Variants in ADAMTS9 observed in about 807,000 individuals in gnomAD.
The protein encoded by ADAMTS9 is ADAM metallopeptidase with thrombospondin type 1 motif 9.
ADAMTS9 carries 107 observed loss-of-function variants against 257.1 expected under a neutral mutation model. That is an observed-to-expected ratio of 0.42 (90% confidence interval 0.36 to 0.49). The LOEUF is 0.49. Ranked by LOEUF, ADAMTS9 falls within the 20% of genes least tolerant of loss-of-function variation. ADAMTS9 has a pLI of 0.03. For synonymous variants in ADAMTS9, 982 were observed against 880.9 expected, an observed-to-expected ratio of 1.11 and a Z score of -2.03; for missense variants, 2,353 against 2,469.1, an observed-to-expected ratio of 0.95 and a Z score of 1.00.
At chr3:64,528,084 T>C (rs1402633729) in intron 38 of ADAMTS9, among the ~76,000 whole-genome samples, 1 of 152,316 alleles carries the variant, frequency 6.6e-6, no homozygotes, top group East Asian at 1.9e-4. Context: ...ACCATATCTC[T>C]TAGAACAGTG....
chr3:64,598,274 A>T (rs73832339), intron 26 of ADAMTS9, among the ~76,000 whole-genome samples: 4,619 of 151,440 alleles, frequency 0.031, 223 homozygotes, highest in African/African-American at 0.1. Flanking sequence ...TCTATCTTTG[A>T]TGATTCTGGT....
At chr3:64,553,420 G>A (rs1174545303) in intron 30 of ADAMTS9, among the ~76,000 whole-genome samples, 1 of 152,152 alleles carries the variant, frequency 6.6e-6, no homozygotes, top group East Asian at 1.9e-4. Flanking sequence ...CTGTTGTACG[G>A]ATATACCACA....
chr3:64,639,888 A>G (rs577410582), intron 12 of ADAMTS9, among the ~76,000 whole-genome samples: 1 of 152,294 alleles, frequency 6.6e-6, no homozygotes, highest in Admixed American at 6.5e-5. Context: ...ATTTCATATA[A>G]TATGTATTTA....
intron 28 of ADAMTS9, among the ~76,000 whole-genome samples, chr3:64,581,834 A>G (rs1370458158): frequency 6.6e-6 from 1 of 152,186 alleles, no homozygotes; most frequent in Admixed American, 6.5e-5. Context: ...TAAAGTTTGA[A>G]CATTGCAGGG....
intron 19 of ADAMTS9, among the ~76,000 whole-genome samples, chr3:64,620,719 G>A (rs1461687588): frequency 3.9e-5 from 6 of 152,078 alleles, no homozygotes; most frequent in Admixed American, 3.9e-4. Flanking sequence ...CTACTGGGTG[G>A]TATACACTCT....
intron 4 of ADAMTS9, among the ~76,000 whole-genome samples, chr3:64,658,054 C>T (rs1285169388): frequency 6.6e-6 from 1 of 152,070 alleles, no homozygotes; most frequent in Non-Finnish European, 1.5e-5. Context: ...ACTGAATATC[C>T]ACAACTGGCT....
chr3:64,634,535 G>A (rs1214903962), intron 12 of ADAMTS9, among the ~76,000 whole-genome samples: 1 of 152,216 alleles, frequency 6.6e-6, no homozygotes, highest in Admixed American at 6.5e-5. Flanking sequence ...CGAGTGTATG[G>A]CATACGCCTT....
At chr3:64,627,094 A>G (rs888259404) in intron 16 of ADAMTS9, among the ~76,000 whole-genome samples, 1 of 152,220 alleles carries the variant, frequency 6.6e-6, no homozygotes, top group Non-Finnish European at 1.5e-5. Flanking sequence ...TGTCTTGATA[A>G]AAAGGAGGAA....
intron 39 of ADAMTS9, among the ~76,000 whole-genome samples, chr3:64,518,501 C>T (rs563105221): frequency 6.6e-6 from 1 of 152,246 alleles, no homozygotes; most frequent in East Asian, 1.9e-4. Context: ...CACCTTCTGG[C>T]ATAATGTACT....
chr3:64,678,215 C>A (rs977881926), intron 3 of ADAMTS9, among the ~76,000 whole-genome samples: 4 of 152,172 alleles, frequency 2.6e-5, no homozygotes, highest in Admixed American at 6.5e-5. Flanking sequence ...TAACATCCTG[C>A]AACTTCAGTT....
At chr3:64,605,306 C>G (rs988626776) in intron 23 of ADAMTS9, among the ~76,000 whole-genome samples, 3 of 152,156 alleles carry the variant, frequency 2.0e-5, no homozygotes, top group African/African-American at 7.2e-5. Flanking sequence ...GCAGCCAAGT[C>G]CTCAGTTCAT....
chr3:64,547,512 A>ATTT (rs58728148), intron 31 of ADAMTS9, among the ~76,000 whole-genome samples: 78,864 of 121,948 alleles, frequency 0.65, 29,716 homozygotes, highest in Non-Finnish European at 0.83. Context: ...CTGGCTATAG[A>ATTT]TTTTTTTTTT....
At chr3:64,633,963 G>T (rs1700434353) in intron 12 of ADAMTS9, 84 bp from the exon 13 acceptor site, 2 of 1,271,430 alleles carry the variant, frequency 1.6e-6, no homozygotes. Flanking sequence ...ATGACTTCCT[G>T]TCTTCTAGAG....
At chr3:64,671,483 AG>A (rs1701486174) in intron 3 of ADAMTS9, among the ~76,000 whole-genome samples, 1 of 152,236 alleles carries the variant, frequency 6.6e-6, no homozygotes. Flanking sequence ...GGAAAACACT[AG>A]GAAACACGAA....
At chr3:64,544,737 T>A (rs2083174027) in intron 32 of ADAMTS9, among the ~76,000 whole-genome samples, 1 of 152,118 alleles carries the variant, frequency 6.6e-6, no homozygotes, top group East Asian at 1.9e-4. Flanking sequence ...CCAAAATCAA[T>A]GGCAACAAAA....
intron 26 of ADAMTS9, among the ~76,000 whole-genome samples, chr3:64,598,770 C>T (rs758514142): frequency 5.3e-5 from 8 of 152,050 alleles, no homozygotes; most frequent in Non-Finnish European, 1.0e-4. Context: ...TATCTTGGTC[C>T]TCGAGTTTTC....
intron 9 of ADAMTS9, chr3:64,650,812 A>T (rs1700913454): frequency 1.9e-6 from 1 of 513,410 alleles, no homozygotes; most frequent in Non-Finnish European, 3.3e-6. Flanking sequence ...TCTTTAGCTC[A>T]GTCTGTAATC....
chr3:64,631,707 T>C (rs1444156783), intron 15 of ADAMTS9, 101 bp downstream of exon 15: 2 of 1,255,946 alleles, frequency 1.6e-6, no homozygotes, highest in Non-Finnish European at 2.3e-6. Flanking sequence ...ACGAGACTGA[T>C]TTTTATGCTC....
chr3:64,672,430 C>A (rs1433067696), intron 3 of ADAMTS9, among the ~76,000 whole-genome samples: 1 of 152,138 alleles, frequency 6.6e-6, no homozygotes, highest in African/African-American at 2.4e-5. Context: ...TGCCTGTAAT[C>A]CCAGCATTTT....
Sources: allele counts gnomAD v4.1 joint callset (sites outside exome capture counted in the v4.1 genomes callset), GRCh38; gene constraint gnomAD v4.1.1; transcripts MANE v1.5; gene names NCBI Gene and HGNC (gene_info 2026-07-23, HGNC 2026-07-21).